Variants in ERGIC2 observed in about 807,000 individuals in gnomAD.
The protein encoded by ERGIC2 is endoplasmic reticulum-Golgi intermediate compartment protein 2.
Under a neutral mutation model 52.5 loss-of-function variants are expected in ERGIC2, and 31 were observed. That is an observed-to-expected ratio of 0.59 (90% CI 0.44 to 0.80). The LOEUF (loss-of-function observed/expected upper bound fraction) is 0.80, where lower values mean the gene tolerates loss of function less well. Among genes scored for constraint, ERGIC2 ranks in the 30% least tolerant of loss-of-function variants. The pLI is 0.00. For synonymous variants in ERGIC2, 129 were observed against 140.6 expected, an observed-to-expected ratio of 0.92 and a Z score of 0.58; for missense variants, 395 against 455.2, an observed-to-expected ratio of 0.87 and a Z score of 1.20.
rs184402059 is a variant in ERGIC2 at position 29,345,987 on chromosome 12, G to A, written c.728-447C>T. Among the ~76,000 whole-genome samples, 61 of 151,798 alleles carry A rather than the reference G, an allele frequency of 4.0e-4. No individual in the cohort carries two copies. In the East Asian group the frequency reaches 5.7e-3, roughly 14 times the overall value. ...AAAAACATTTAATCTGAAATGTAAT[G>A]TTACATACAACTTAATGTCTAACAA... is the stretch of plus-strand genomic sequence containing the variant. On this transcript the variant is annotated intron_variant, in intron 10 of 13. Transcript: ENST00000360150.
intron 10 of ERGIC2, among the ~76,000 whole-genome samples, chr12:29,347,844 G>A (rs994304077): frequency 6.6e-6 from 1 of 152,118 alleles, no homozygotes; most frequent in Non-Finnish European, 1.5e-5. Context: ...CGGCATTTCA[G>A]AATATGACTC....
intron 11 of ERGIC2, among the ~76,000 whole-genome samples, chr12:29,343,749 T>C (rs1949856791): frequency 6.6e-6 from 1 of 152,180 alleles, no homozygotes; most frequent in African/African-American, 2.4e-5. Flanking sequence ...TCCAATAAAG[T>C]GACTACATCT....
intron 4 of ERGIC2, among the ~76,000 whole-genome samples, chr12:29,367,814 G>T (rs1940385119): frequency 6.6e-6 from 1 of 151,724 alleles, no homozygotes; most frequent in African/African-American, 2.4e-5. Flanking sequence ...AAAGAAAAGG[G>T]TAACCTATCA....
chr12:29,370,476 C>T (rs1410323080), intron 2 of ERGIC2, among the ~76,000 whole-genome samples: 1 of 151,830 alleles, frequency 6.6e-6, no homozygotes, highest in African/African-American at 2.4e-5. Flanking sequence ...CATTTTATTT[C>T]TCCAATTTTA....
intron 1 of ERGIC2, chr12:29,372,314 G>A (rs1940452026): frequency 6.6e-6 from 1 of 151,996 alleles, no homozygotes; most frequent in Non-Finnish European, 1.5e-5. Flanking sequence ...CTGCACTGCA[G>A]TCTGGGTTAC....
At chr12:29,353,800 T>C (rs946092592) in intron 8 of ERGIC2, among the ~76,000 whole-genome samples, 1 of 151,934 alleles carries the variant, frequency 6.6e-6, no homozygotes, top group African/African-American at 2.4e-5. Flanking sequence ...CTTCAAAAAA[T>C]TAAATTTAAA....
rs1336859233 is a variant in ERGIC2 at position 29,351,123 on chromosome 12, T to C, written c.573-1055A>G. Among the ~76,000 whole-genome samples, 4 of 152,072 alleles carry C rather than the reference T, an allele frequency of 2.6e-5. No homozygotes were observed. The East Asian group carries it at 7.7e-4, about 29-fold the overall frequency. ...CAAACTGCTATGTAGTAGGGCAAGA[T>C]GGAATATTCAGTTTTTATATCTGAC... On this transcript the variant is annotated intron_variant, in intron 8 of 13. Coordinates refer to ENST00000360150, the MANE Select transcript of ERGIC2 (RefSeq NM_016570.3).
intron 8 of ERGIC2, among the ~76,000 whole-genome samples, chr12:29,351,836 A>G (rs938651933): frequency 3.9e-5 from 6 of 152,112 alleles, no homozygotes; most frequent in Non-Finnish European, 8.8e-5. Context: ...TGGATATTCC[A>G]TTTTTAATTT....
At chr12:29,362,464 G>A (rs1173084879) in intron 5 of ERGIC2, among the ~76,000 whole-genome samples, 1 of 152,010 alleles carries the variant, frequency 6.6e-6, no homozygotes, top group Non-Finnish European at 1.5e-5. Flanking sequence ...TCAGCTGGTG[G>A]TAGGCACCTG....
chr12:29,362,291 T>C (rs1940297845), intron 5 of ERGIC2, among the ~76,000 whole-genome samples: 3 of 152,188 alleles, frequency 2.0e-5, no homozygotes, highest in Admixed American at 6.6e-5. Context: ...TAATCCACTT[T>C]TCGGCCGGGC....
At chr12:29,358,367 T>C (rs10843393) in intron 6 of ERGIC2, among the ~76,000 whole-genome samples, 31,664 of 152,132 alleles carry the variant, frequency 0.21, 5,259 homozygotes, top group African/African-American at 0.46. Flanking sequence ...TAAGTACAAA[T>C]GTTATACACA....
At chr12:29,349,992 A>G (rs1477528709) in intron 9 of ERGIC2, 21 bp downstream of exon 9, 2 of 1,544,630 alleles carry the variant, frequency 1.3e-6, no homozygotes, top group Admixed American at 3.4e-5. Context: ...CTTTACTGAA[A>G]AAAAGTCAGA....
At position 29,350,030 on chromosome 12, in the gene ERGIC2, G is replaced by A. The variant is rs1158937595; in HGVS notation, c.611C>T (p.Ala204Val). 1 of 1,606,398 alleles carries A rather than the reference G, an allele frequency of 6.2e-7. No homozygotes were observed. The highest frequency in any genetic ancestry group is 1.1e-5 in the South Asian group (1 of 90,480). Residue 204 changes from alanine (A) to valine (V), a missense_variant, in exon 9 of 14, where the codon GCA (alanine) becomes GTA (valine). Physicochemically the swap from Ala to Val is moderately conservative, Grantham distance 64. Coordinates refer to ENST00000360150, the MANE Select transcript of ERGIC2 (RefSeq NM_016570.3). The part of the protein sequence containing the change: ...PHPRGHAHLA[A>V]LVNHESYNFS... ...CTGCTTACATTCATGGTTGACAAGTGCTGCCAAATGTGCATGACCACGAGG... is the reference window on the plus strand; with the variant it reads ...CTGCTTACATTCATGGTTGACAAGTACTGCCAAATGTGCATGACCACGAGG...
intron 5 of ERGIC2, among the ~76,000 whole-genome samples, chr12:29,364,358 AG>A (rs1940328865): frequency 1.3e-5 from 2 of 152,268 alleles, no homozygotes; most frequent in East Asian, 3.9e-4. Context: ...CAATGGAGAA[AG>A]GACTCTCTAT....
chr12:29,356,222 C>T (rs548792695), intron 8 of ERGIC2, among the ~76,000 whole-genome samples, 160 bp downstream of exon 8: 2 of 152,160 alleles, frequency 1.3e-5, no homozygotes, highest in East Asian at 3.9e-4. Context: ...GAGGTTTCAA[C>T]ATGTTGGGAA....
chr12:29,343,019 C>T (rs996272758), intron 12 of ERGIC2, 101 bp downstream of exon 12: 17 of 988,054 alleles, frequency 1.7e-5, no homozygotes, highest in Admixed American at 1.3e-4. Flanking sequence ...ATTTAAACAC[C>T]GAAACATGAA....
chr12:29,369,967 T>A lies in ERGIC2; in HGVS notation c.215+147A>T, dbSNP rs1289329668. 4 of 609,064 alleles carry A rather than the reference T, an allele frequency of 6.6e-6. No homozygotes were observed. The East Asian group carries it at 1.5e-4, about 23-fold the overall frequency. The allele number at this position is 609,064 out of a possible 1,614,324, so 37.7% of individuals were successfully genotyped here. A position where few individuals can be genotyped will look rare whatever the true frequency, so the allele number is the denominator to read the frequency against. ...ATTCTAAAAGGTTTCACTTAATGCA[T>A]GCAATTAATGAGAATTTTTCAGGAC... On this transcript the variant is annotated intron_variant, in intron 3 of 13. Transcript: ENST00000360150.
chr12:29,346,844 G>T (rs1247653507), intron 10 of ERGIC2, among the ~76,000 whole-genome samples: 3 of 152,128 alleles, frequency 2.0e-5, no homozygotes, highest in African/African-American at 7.2e-5. Context: ...CGGGTCTAGA[G>T]AATTCTCTAG....
At chr12:29,351,968 C>A (rs900137467) in intron 8 of ERGIC2, among the ~76,000 whole-genome samples, 1 of 152,124 alleles carries the variant, frequency 6.6e-6, no homozygotes, top group Non-Finnish European at 1.5e-5. Flanking sequence ...TTGCTTAATA[C>A]GCAGGATGTT....
Sources: allele counts gnomAD v4.1 joint callset (sites outside exome capture counted in the v4.1 genomes callset), GRCh38; gene constraint gnomAD v4.1.1; transcripts MANE v1.5; gene names NCBI Gene and HGNC (gene_info 2026-07-23, HGNC 2026-07-21).